The following ARHGEF2 variants were observed in gnomAD, a reference collection of about 807,000 sequenced individuals.
The protein encoded by ARHGEF2 is rho guanine nucleotide exchange factor 2.
A neutral mutation model predicts 121.0 loss-of-function variants in ARHGEF2; 22 were observed. The observed-to-expected ratio is 0.18, with a 90% CI of 0.13 to 0.26. The LOEUF (loss-of-function observed/expected upper bound fraction) is 0.26. Ranked by LOEUF, ARHGEF2 falls within the 10% of genes least tolerant of loss-of-function variation. The pLI is 1.00. For missense variants in ARHGEF2, 907 were observed against 1,336.0 expected (o/e 0.68, Z 5.01); for synonymous variants, 487 against 530.0 (o/e 0.92, Z 1.11).
At chr1:155,977,844 G>GGGT (rs1293688926) in intron 1 of ARHGEF2, among the ~76,000 whole-genome samples, 2 of 152,142 alleles carry the variant, frequency 1.3e-5, no homozygotes, top group East Asian at 3.9e-4. Flanking sequence ...TGTCTTGGAG[G>GGGT]GGTGGTGGTG....
At chr1:155,952,293 C>T (rs1205902798) in intron 15 of ARHGEF2, 58 bp from the exon 16 acceptor site, 7 of 1,601,160 alleles carry the variant, frequency 4.4e-6, no homozygotes, top group South Asian at 1.1e-5. Flanking sequence ...GAGGGGAATG[C>T]CATTCACCCC....
intron 3 of ARHGEF2, 76 bp downstream of exon 3, chr1:155,966,744 A>G (rs998651239): frequency 6.3e-6 from 9 of 1,419,744 alleles, no homozygotes; most frequent in African/African-American, 1.4e-5. Flanking sequence ...AGGGTAGGGA[A>G]TGAATGGAAA....
chr1:155,958,574 A>AT (rs397722034), intron 11 of ARHGEF2, among the ~76,000 whole-genome samples, 178 bp from the exon 12 acceptor site: 69,647 of 122,280 alleles, frequency 0.57, 21,908 homozygotes, highest in Non-Finnish European at 0.72. Context: ...CACCCATTCT[A>AT]TTTTTTTTTT....
chr1:155,969,661 C>G, intron 1 of ARHGEF2: 1 of 1,062,042 alleles, frequency 9.4e-7, no homozygotes, highest in Non-Finnish European at 1.1e-6. Flanking sequence ...CTTCTCTGTG[C>G]TAGGGGGAAG....
rs780160100 is a variant in ARHGEF2, at chr1:155,950,430, T to C, written c.2756A>G (p.His919Arg). Reference sequence around the variant, plus strand: ...CCTCTCTCGGTCCTCAAAGTTTCGATGGACAGAGCGAGTAGTGACAGGTAG... The same window carrying C: ...CCTCTCTCGGTCCTCAAAGTTTCGACGGACAGAGCGAGTAGTGACAGGTAG... ...LDLPVTTRSVHRNFEDRERQE... is the reference protein window; with the variant it reads ...LDLPVTTRSVRRNFEDRERQE... Residue 919 changes from histidine (H) to arginine (R), a missense_variant, in exon 21 of 22, where the codon CAT becomes CGT. By Grantham distance (29) the His-to-Arg change is conservative. Around this residue, in one of 2 missense-constraint regions of ARHGEF2, gnomAD observed 432 missense variants for 559.5 expected, o/e 0.77. Transcript: ENST00000361247. This position sits in a 1 kb window ranked among gnomAD's most constrained non-coding sequence, Gnocchi z 5.2. 2 of 1,614,086 alleles carry C rather than the reference T, an allele frequency of 1.2e-6. No individual in the cohort carries two copies. Among genetic ancestry groups the C allele is most frequent in the South Asian group, 2.2e-5 (2 of 91,074 alleles).
At chr1:155,971,950 T>G (rs1306816376) in intron 1 of ARHGEF2, among the ~76,000 whole-genome samples, 1 of 151,370 alleles carries the variant, frequency 6.6e-6, no homozygotes, top group Non-Finnish European at 1.5e-5. Context: ...CTGAAAATAG[T>G]ATTAAAAAAA....
intron 1 of ARHGEF2, among the ~76,000 whole-genome samples, chr1:155,973,653 G>A (rs567260933): frequency 1.3e-5 from 2 of 152,128 alleles, no homozygotes; most frequent in Admixed American, 1.3e-4. Flanking sequence ...GGCTGAGGCA[G>A]GAGAATTGCT....
In ARHGEF2 at chr1:155,952,836, T is replaced by C; in HGVS notation, c.1784-8A>G. On this transcript the variant is annotated splice_region_variant and splice_polypyrimidine_tract_variant and intron_variant, in intron 14 of 21. Coordinates refer to ENST00000361247, the MANE Select transcript of ARHGEF2 (RefSeq NM_001162383.2). ...CCTTCTGCTGCAACTCCACTGCAGA[T>C]AAGGAACAAGTGAGGACATGAGAGG... The C allele has an allele frequency of 2.5e-6, 4 of 1,613,650 alleles. No individual in the cohort carries two copies. Among genetic ancestry groups the C allele is most frequent in the Non-Finnish European group, 3.4e-6 (4 of 1,179,856 alleles).
chr1:155,975,509 A>T (rs1558054657), intron 1 of ARHGEF2, among the ~76,000 whole-genome samples: 1 of 148,740 alleles, frequency 6.7e-6, no homozygotes, highest in Non-Finnish European at 1.5e-5. Context: ...CCTAACCTCC[A>T]CGACCCCTAG....
intron 1 of ARHGEF2, chr1:155,970,663 G>A (rs533451142): frequency 5.0e-5 from 49 of 985,514 alleles, no homozygotes; most frequent in African/African-American, 1.0e-4. Context: ...CCGAGGCCAC[G>A]AGGCCACGCC....
In ARHGEF2 at chr1:155,962,769, T is replaced by C. The variant is rs1190944960; in HGVS notation, c.976-51A>G. 3.7e-6 allele frequency: 6 copies of C among 1,611,538 alleles called. No homozygotes were observed. The highest frequency in any genetic ancestry group is 2.7e-5 in the African/African-American group (2 of 74,978). On this transcript the variant is annotated intron_variant, in intron 8 of 21. Transcript: ENST00000361247. The surrounding 1 kb of genome is among the most constrained non-coding windows in gnomAD (Gnocchi z 5.8). ...GTCAGCATTCCCCCAAAGCCACACT[T>C]TACCCACTGGACACACCTCTGGCCT...
At chr1:155,955,624 G>C (rs553131811) in intron 13 of ARHGEF2, among the ~76,000 whole-genome samples, 2 of 152,158 alleles carry the variant, frequency 1.3e-5, no homozygotes, top group South Asian at 4.1e-4. Flanking sequence ...CTTCCTCATA[G>C]GTTTTTCATT....
At chr1:155,971,675 C>G (rs760745280) in intron 1 of ARHGEF2, among the ~76,000 whole-genome samples, 2 of 151,676 alleles carry the variant, frequency 1.3e-5, no homozygotes, top group Non-Finnish European at 2.9e-5. Context: ...GCCATATACT[C>G]TCCCTTTTCT....
chr1:155,970,511 C>T lies in ARHGEF2; in HGVS notation c.64-1211G>A, dbSNP rs543176020. On this transcript the variant is annotated intron_variant, in intron 1 of 21. Coordinates refer to ENST00000361247, the MANE Select transcript of ARHGEF2 (RefSeq NM_001162383.2). ...GAGAAGACCACTCCCTCCAAGGTTT[C>T]CCAGGCTCTCAGAAATCAAAAATCA... 4 of 985,494 alleles carry T rather than the reference C, an allele frequency of 4.1e-6. No individual in the cohort carries two copies. In the South Asian group the frequency reaches 1.9e-4, roughly 46 times the overall value. The allele number at this position is 985,494 out of a possible 1,614,324, so 61.0% of individuals were successfully genotyped here. A position where few individuals can be genotyped will look rare whatever the true frequency, so the allele number is the denominator to read the frequency against.
At chr1:155,953,014 C>T (rs1472426327) in intron 14 of ARHGEF2, among the ~76,000 whole-genome samples, 186 bp from the exon 15 acceptor site, 2 of 152,162 alleles carry the variant, frequency 1.3e-5, no homozygotes, top group Non-Finnish European at 2.9e-5. Flanking sequence ...CCTGTAATCC[C>T]AGCACTTTGG....
rs1679057180 is a variant in ARHGEF2 at position 155,964,922 on chromosome 1, TAAAG to T, written c.724+62_724+65del. 2.9e-6 allele frequency: 4 copies of T among 1,360,384 alleles called. No individual in the cohort carries two copies. In the South Asian group the frequency reaches 6.3e-5, roughly 21 times the overall value. 84.3% of individuals were successfully genotyped at this position (1,360,384 alleles called of 1,614,324 possible). A position where few individuals can be genotyped will look rare whatever the true frequency, so the allele number is the denominator to read the frequency against. On this transcript the variant is annotated intron_variant, in intron 7 of 21. Transcript: ENST00000361247. ...AAAAAAAAAAAAAGAAAAAGAAAAATAAAGAAGGAAGTAGATAAACAGGACCTGG... is the reference window on the plus strand; with the variant it reads ...AAAAAAAAAAAAAGAAAAAGAAAAATAAGGAAGTAGATAAACAGGACCTGG...
At position 155,950,729 on chromosome 1, in the gene ARHGEF2, G is replaced by T; in HGVS notation, c.2703+100C>A. ...TCAATATCCTTCAAGTCAGTTGACT[G>T]ATTGCATTTGGGCTCAAATCCCCAA... On this transcript the variant is annotated intron_variant, in intron 20 of 21. Transcript: ENST00000361247. The surrounding 1 kb of genome is among the most constrained non-coding windows in gnomAD (Gnocchi z 5.2). The T allele has an allele frequency of 1.6e-6, 2 of 1,221,866 alleles. No individual in the cohort carries two copies. The highest frequency in any genetic ancestry group is 2.3e-6 in the Non-Finnish European group (2 of 867,410). 75.7% of individuals were successfully genotyped at this position (1,221,866 alleles called of 1,614,324 possible). A position where few individuals can be genotyped will look rare whatever the true frequency, so the allele number is the denominator to read the frequency against.
chr1:155,978,416 G>A lies in ARHGEF2; in HGVS notation c.12C>T (p.Ile4=). Residue 4 remains isoleucine (I), a synonymous_variant, in exon 1 of 22, where the codon ATC becomes ATT. Coordinates refer to ENST00000361247, the MANE Select transcript of ARHGEF2 (RefSeq NM_001162383.2). The surrounding 1 kb of genome is among the most constrained non-coding windows in gnomAD (Gnocchi z 4.1). ...CGATCCGCGCCCGCGTGAGGGATTC[G>A]ATCCGAGACATAATCGGACGGGGGG... The part of the protein sequence containing the change: MSR[I]ESLTRARIDR... 6.6e-7 allele frequency: 1 copy of A among 1,510,048 alleles called. No homozygotes were observed. Among genetic ancestry groups the A allele is most frequent in the Non-Finnish European group, 8.9e-7 (1 of 1,118,214 alleles). The allele number at this position is 1,510,048 out of a possible 1,614,324, so 93.5% of individuals were successfully genotyped here.
Position 155,961,004 on chromosome 1 carries a change from C to T in ARHGEF2, c.1468+657G>A, listed in dbSNP as rs951347769. On this transcript the variant is annotated intron_variant, in intron 11 of 21. Transcript: ENST00000361247. The surrounding 1 kb of genome is among the most constrained non-coding windows in gnomAD (Gnocchi z 4.7). The stretch of plus-strand genomic sequence containing the variant: ...TCCTCTGGCTGCGCTCCCCAAAGCT[C>T]TTGCTTACTCCCATCCCTGGTAGCT... Among the ~76,000 whole-genome samples, 3 of 152,196 alleles carry T rather than the reference C, an allele frequency of 2.0e-5. No homozygotes were observed. Among genetic ancestry groups the T allele is most frequent in the Non-Finnish European group, 4.4e-5 (3 of 68,032 alleles).
Sources: allele counts gnomAD v4.1 joint callset (sites outside exome capture counted in the v4.1 genomes callset), GRCh38; gene constraint gnomAD v4.1.1; regional missense constraint gnomAD v4.1.1; non-coding constraint Gnocchi (gnomAD v3.1); transcripts MANE v1.5; gene names NCBI Gene and HGNC (gene_info 2026-07-23, HGNC 2026-07-21).